Variants in ATOX1 observed in about 807,000 individuals in gnomAD.
The protein encoded by ATOX1 is copper transport protein ATOX1.
A neutral mutation model predicts 7.3 loss-of-function variants in ATOX1; 4 were observed. The observed-to-expected ratio is 0.55, with a 90% CI of 0.27 to 1.25. ATOX1 has a LOEUF of 1.25. Ranked by LOEUF, ATOX1 falls within the 50% of genes most tolerant of loss-of-function variation. ATOX1 has a pLI of 0.12. For missense variants in ATOX1, 68 were observed against 81.6 expected (o/e 0.83, Z 0.64); for synonymous variants, 25 against 28.7 (o/e 0.87, Z 0.41).
intron 2 of ATOX1, among the ~76,000 whole-genome samples, chr5:151,746,750 C>G (rs2915884): frequency 0.31 from 47,824 of 152,152 alleles, 8,760 homozygotes; most frequent in Non-Finnish European, 0.41. Context: ...CTAGGGCTTT[C>G]TGAGACAGAG....
chr5:151,756,886 T>C, intron 1 of ATOX1, among the ~76,000 whole-genome samples: 1 of 152,202 alleles, frequency 6.6e-6, no homozygotes. Flanking sequence ...ATTTTTCCAG[T>C]TAATACTAAC....
intron 2 of ATOX1, 100 bp downstream of exon 2, chr5:151,751,604 G>T: frequency 1.6e-6 from 2 of 1,250,988 alleles, no homozygotes; most frequent in Non-Finnish European, 2.2e-6. Flanking sequence ...ATATATTTTA[G>T]TTTTACTGTT....
chr5:151,751,041 GAGGTCA>G (rs1189943270), intron 2 of ATOX1, among the ~76,000 whole-genome samples: 3 of 151,936 alleles, frequency 2.0e-5, no homozygotes, highest in Non-Finnish European at 4.4e-5. Flanking sequence ...CAGATCACCT[GAGGTCA>G]GGGGTTCGAG....
At chr5:151,744,577 T>C (rs1447395839) in intron 3 of ATOX1, 1 of 152,234 alleles carries the variant, frequency 6.6e-6, no homozygotes, top group East Asian at 1.9e-4. Flanking sequence ...GAGTTTCTAA[T>C]CCAAGATGTG....
chr5:151,758,044 GA>G (rs1322417059), intron 1 of ATOX1, among the ~76,000 whole-genome samples: 1 of 152,200 alleles, frequency 6.6e-6, no homozygotes, highest in Non-Finnish European at 1.5e-5. Context: ...GAGTTGATCT[GA>G]AAAGTAGGCC....
rs1762044673 is a variant in ATOX1, at chr5:151,758,573, G to T, written c.-22C>A. On this transcript the variant is annotated 5_prime_UTR_variant, in exon 1 of 4. Coordinates refer to ENST00000313115, the MANE Select transcript of ATOX1 (RefSeq NM_004045.4). Reference sequence around the variant, plus strand: ...GCATGACTGAGGCAGCGGCGGTGTGGCGGCGGTGTGGCGGCGGTGTCAGCA... The same window carrying T: ...GCATGACTGAGGCAGCGGCGGTGTGTCGGCGGTGTGGCGGCGGTGTCAGCA... The T allele has an allele frequency of 7.0e-7, 1 of 1,420,970 alleles. No individual in the cohort carries two copies. The highest frequency in any genetic ancestry group is 1.5e-5 in the African/African-American group (1 of 67,056). 88.0% of individuals were successfully genotyped at this position (1,420,970 alleles called of 1,614,324 possible). A position where few individuals can be genotyped will look rare whatever the true frequency, so the allele number is the denominator to read the frequency against.
Position 151,758,597 on chromosome 5 carries a change from C to CA in ATOX1, c.-47dup. 1 of 1,390,890 alleles carries CA rather than the reference C, an allele frequency of 7.2e-7. No individual in the cohort carries two copies. Among genetic ancestry groups the CA allele is most frequent in the Non-Finnish European group, 9.4e-7 (1 of 1,065,364 alleles). 86.2% of individuals were successfully genotyped at this position (1,390,890 alleles called of 1,614,324 possible). ...GGCGGCGGTGTGGCGGCGGTGTCAG[C>CA]AGCGCCTCTCTGGATTCGGAGGGCG... is the stretch of plus-strand genomic sequence containing the variant. On this transcript the variant is annotated 5_prime_UTR_variant, in exon 1 of 4. Coordinates refer to ENST00000313115, the MANE Select transcript of ATOX1 (RefSeq NM_004045.4).
At chr5:151,747,589 C>CTT (rs768787270) in intron 2 of ATOX1, among the ~76,000 whole-genome samples, 3 of 125,032 alleles carry the variant, frequency 2.4e-5, no homozygotes, top group South Asian at 2.7e-4. Flanking sequence ...CCGGTCCATT[C>CTT]TTTTTTTTTT....
intron 3 of ATOX1, chr5:151,743,773 C>A (rs920241091): frequency 3.9e-5 from 6 of 152,072 alleles, no homozygotes; most frequent in Non-Finnish European, 7.4e-5. Flanking sequence ...GAGTTTTTTT[C>A]CTTCTCTTCC....
chr5:151,749,577 G>T (rs1398919533), intron 2 of ATOX1, among the ~76,000 whole-genome samples: 1 of 151,278 alleles, frequency 6.6e-6, no homozygotes, highest in Non-Finnish European at 1.5e-5. Flanking sequence ...CTTGAACCCG[G>T]GGCAGAGTGG....
At chr5:151,751,023 G>A (rs943091163) in intron 2 of ATOX1, among the ~76,000 whole-genome samples, 10 of 151,794 alleles carry the variant, frequency 6.6e-5, no homozygotes, top group Non-Finnish European at 8.8e-5. Context: ...TTGGGAGGCC[G>A]AGGCGGGCAG....
intron 2 of ATOX1, among the ~76,000 whole-genome samples, chr5:151,749,764 C>A (rs1010296223): frequency 1.3e-5 from 2 of 152,038 alleles, no homozygotes; most frequent in Non-Finnish European, 2.9e-5. Flanking sequence ...GAAACCCAGG[C>A]CCGAGAAAGA....
At chr5:151,750,509 C>CAAA (rs5872228) in intron 2 of ATOX1, among the ~76,000 whole-genome samples, 21 of 102,002 alleles carry the variant, frequency 2.1e-4, no homozygotes, top group African/African-American at 4.9e-4. Context: ...GACTTCATCT[C>CAAA]AAAAAAAAAA....
At chr5:151,745,855 A>C (rs1026806122) in intron 3 of ATOX1, 1 of 153,420 alleles carries the variant, frequency 6.5e-6, no homozygotes, top group Non-Finnish European at 1.5e-5. Context: ...CCAGGAGTTA[A>C]AGGCTATAGT....
chr5:151,746,575 G>A lies in ATOX1; in HGVS notation c.83-126C>T, dbSNP rs73794353. On this transcript the variant is annotated intron_variant, in intron 2 of 3. Coordinates refer to ENST00000313115, the MANE Select transcript of ATOX1 (RefSeq NM_004045.4). ...TGCCCTTTCCTCTAGAGCAGGGATCGGCAAACTTCTTCTGTAACAGGCCAG... is the reference window on the plus strand; with the variant it reads ...TGCCCTTTCCTCTAGAGCAGGGATCAGCAAACTTCTTCTGTAACAGGCCAG... 7,669 of 1,293,182 alleles carry A rather than the reference G, an allele frequency of 5.9e-3. 340 individuals carry two copies. The African/African-American group carries it at 0.094, about 16-fold the overall frequency. 80.1% of individuals were successfully genotyped at this position (1,293,182 alleles called of 1,614,324 possible).
At chr5:151,750,436 G>A (rs1761932580) in intron 2 of ATOX1, among the ~76,000 whole-genome samples, 1 of 148,424 alleles carries the variant, frequency 6.7e-6, no homozygotes, top group African/African-American at 2.5e-5. Flanking sequence ...AACCCAGGAG[G>A]CAGAGGCTGC....
rs202117404 is a variant in ATOX1, at chr5:151,747,069, CTT to C, written c.83-622_83-621del. On this transcript the variant is annotated intron_variant, in intron 2 of 3. Coordinates refer to ENST00000313115, the MANE Select transcript of ATOX1 (RefSeq NM_004045.4). ...TTTAATTGCAAAAGTAATATAGACACTTTTTTTTTTTTTTTCAAAAAAGCAAA... is the reference window on the plus strand; with the variant it reads ...TTTAATTGCAAAAGTAATATAGACACTTTTTTTTTTTTTCAAAAAAGCAAA... Among the ~76,000 whole-genome samples the C allele has an allele frequency of 3.2e-3, 432 of 136,662 alleles. 2 individuals are homozygous for C. Among genetic ancestry groups the C allele is most frequent in the African/African-American group, 9.4e-3 (349 of 37,048 alleles). The allele number at this position is 136,662 out of a possible 152,430, so 89.7% of individuals were successfully genotyped here.
chr5:151,751,978 T>G (rs1761956822), intron 1 of ATOX1, 199 bp from the exon 2 acceptor site: 1 of 604,380 alleles, frequency 1.7e-6, no homozygotes, highest in South Asian at 2.0e-5. Flanking sequence ...CCTCACAAGT[T>G]GTATTCAATG....
At chr5:151,757,917 A>G (rs1286876129) in intron 1 of ATOX1, among the ~76,000 whole-genome samples, 1 of 152,242 alleles carries the variant, frequency 6.6e-6, no homozygotes, top group Non-Finnish European at 1.5e-5. Context: ...AAGGCAGGCT[A>G]AGACTGACTT....
Sources: gnomAD v4.1 joint callset for allele counts (sites outside exome capture counted in the v4.1 genomes callset) on GRCh38, gnomAD v4.1.1 for gene constraint, MANE v1.5 for transcripts, NCBI Gene and HGNC (gene_info 2026-07-23, HGNC 2026-07-21) for gene names.